The following TRPC5 variants were observed in gnomAD, a reference collection of about 807,000 sequenced individuals.
TRPC5 encodes short transient receptor potential channel 5.
A neutral mutation model predicts 56.5 loss-of-function variants in TRPC5; 9 were observed. The observed-to-expected ratio is 0.16, with a 90% confidence interval of 0.10 to 0.28. The LOEUF (loss-of-function observed/expected upper bound fraction) is 0.28, where lower values mean the gene tolerates loss of function less well. Among genes scored for constraint, TRPC5 ranks in the 10% least tolerant of loss-of-function variants. The probability of loss-of-function intolerance (pLI) is 1.00; values close to 1 mark genes in which losing one functional copy is unlikely to be tolerated. For missense variants in TRPC5, 469 were observed against 748.9 expected, an observed-to-expected ratio of 0.63 and a Z score of 4.36; for synonymous variants, 282 against 278.5, an observed-to-expected ratio of 1.01 and a Z score of -0.13.
Position 112,018,099 on chromosome X carries a change from A to C in TRPC5, c.-22+63780T>G, listed in dbSNP as rs187089734. ...GGTTTTTATTGACATCTTTGAAGGT[A>C]ATAAATGCAAATGGCAAAACCACAA... On this transcript the variant is annotated intron_variant, in intron 1 of 10. Transcript: ENST00000262839. 2.4e-3 allele frequency among the ~76,000 whole-genome samples: 270 copies of C among 112,529 alleles called. 1 individual carries two copies. The highest frequency in any genetic ancestry group is 4.6e-3 in the Middle Eastern group (1 of 218).
At chrX:111,931,468 A>G (rs1024099093) in intron 2 of TRPC5, among the ~76,000 whole-genome samples, 9 of 112,312 alleles carry the variant, frequency 8.0e-5, no homozygotes, top group Non-Finnish European at 1.7e-4. Flanking sequence ...TGCTTAAGTA[A>G]ATATGACGTA....
At chrX:111,832,812 C>T (rs1922449492) in intron 7 of TRPC5, among the ~76,000 whole-genome samples, 1 of 111,069 alleles carries the variant, frequency 9.0e-6, no homozygotes, top group Non-Finnish European at 1.9e-5. Context: ...TTACTACCAG[C>T]AGGTGGTGAT....
At chrX:111,785,380 G>T (rs925728761) in intron 7 of TRPC5, among the ~76,000 whole-genome samples, 2 of 111,652 alleles carry the variant, frequency 1.8e-5, no homozygotes, top group African/African-American at 6.5e-5. Flanking sequence ...CAACAAAAAG[G>T]TCATCTATAC....
rs1442119680 is a variant in TRPC5, at chrX:111,799,698, T to C, written c.1897-17560A>G. On this transcript the variant is annotated intron_variant, in intron 7 of 10. Coordinates refer to ENST00000262839, the MANE Select transcript of TRPC5 (RefSeq NM_012471.3). ...TGCTAGAGAAAACTGTGCCTAGATA[T>C]TGTGCATGAATTCACAGGATTTATG... 6.3e-5 allele frequency among the ~76,000 whole-genome samples: 7 copies of C among 111,314 alleles called. No individual in the cohort carries two copies. In the East Asian group the frequency reaches 2.0e-3, roughly 31 times the overall value.
At chrX:111,807,954 C>CTGTGTGTGTGTGTG (rs1158422740) in intron 7 of TRPC5, among the ~76,000 whole-genome samples, 2 of 85,409 alleles carry the variant, frequency 2.3e-5, no homozygotes, top group African/African-American at 1.5e-4. Context: ...CTCTCTCTCT[C>CTGTGTGTGTGTGTG]TCTGTGTGTG....
At chrX:112,016,866 G>A (rs1325033771) in intron 1 of TRPC5, among the ~76,000 whole-genome samples, 2 of 112,257 alleles carry the variant, frequency 1.8e-5, no homozygotes, top group African/African-American at 3.2e-5. Context: ...GTTTTTGCCT[G>A]TAAACAAAAG....
intron 3 of TRPC5, among the ~76,000 whole-genome samples, chrX:111,899,790 T>A (rs1313051233): frequency 8.9e-6 from 1 of 111,752 alleles, no homozygotes; most frequent in African/African-American, 3.2e-5. Context: ...ATTCCTTTCC[T>A]TGATTTCTCT....
At chrX:112,023,582 A>C (rs1929342777) in intron 1 of TRPC5, among the ~76,000 whole-genome samples, 1 of 110,744 alleles carries the variant, frequency 9.0e-6, no homozygotes, top group Admixed American at 9.6e-5. Context: ...CCTTGTGTCA[A>C]TTTATACTAT....
intron 2 of TRPC5, among the ~76,000 whole-genome samples, chrX:111,950,042 T>C (rs765230550): frequency 8.9e-6 from 1 of 111,736 alleles, no homozygotes; most frequent in Non-Finnish European, 1.9e-5. Flanking sequence ...AGGAATGAGT[T>C]GGCTGGGCGC....
intron 2 of TRPC5, among the ~76,000 whole-genome samples, chrX:111,926,457 T>C (rs5985660): frequency 0.037 from 4,131 of 112,055 alleles, 200 homozygotes; most frequent in African/African-American, 0.13. Flanking sequence ...AACTACTCCA[T>C]AGCCATATGA....
intron 1 of TRPC5, among the ~76,000 whole-genome samples, chrX:112,057,235 G>T (rs747095258): frequency 9.0e-6 from 1 of 111,608 alleles, no homozygotes; most frequent in South Asian, 3.8e-4. Flanking sequence ...TGGGCAGATA[G>T]GCAAATCAAG....
At chrX:111,914,734 G>A (rs559631076) in intron 2 of TRPC5, among the ~76,000 whole-genome samples, 3 of 112,183 alleles carry the variant, frequency 2.7e-5, no homozygotes, top group African/African-American at 9.7e-5. Flanking sequence ...ACACAGGAAA[G>A]AGTAATCTCA....
At chrX:111,948,086 T>C (rs1379978420) in intron 2 of TRPC5, among the ~76,000 whole-genome samples, 1 of 112,718 alleles carries the variant, frequency 8.9e-6, no homozygotes, top group East Asian at 2.8e-4. Flanking sequence ...TGAGTGTTTC[T>C]ATTATTACTA....
At chrX:111,779,160 C>G (rs1945900992) in intron 9 of TRPC5, 86 bp from the exon 10 acceptor site, 1 of 588,716 alleles carries the variant, frequency 1.7e-6, no homozygotes, top group Non-Finnish European at 2.5e-6. Context: ...ATAAAACATG[C>G]TTAGACCTTC....
At chrX:111,930,186 G>T (rs1190780094) in intron 2 of TRPC5, among the ~76,000 whole-genome samples, 3 of 111,276 alleles carry the variant, frequency 2.7e-5, no homozygotes, top group Non-Finnish European at 5.6e-5. Flanking sequence ...GGTAGCTCAT[G>T]ACTGTAATCC....
intron 3 of TRPC5, among the ~76,000 whole-genome samples, chrX:111,885,633 T>C (rs1042130884): frequency 9.0e-6 from 1 of 110,539 alleles, no homozygotes; most frequent in African/African-American, 3.3e-5. Flanking sequence ...TGTTTGATTA[T>C]TATGGCATCC....
At chrX:111,853,117 C>T (rs1246712275) in intron 4 of TRPC5, among the ~76,000 whole-genome samples, 8 of 111,351 alleles carry the variant, frequency 7.2e-5, no homozygotes, top group Non-Finnish European at 1.1e-4. Flanking sequence ...ATTCAGATCC[C>T]GGGTGGCACC....
At chrX:111,793,386 A>C (rs1443716325) in intron 7 of TRPC5, among the ~76,000 whole-genome samples, 1 of 112,223 alleles carries the variant, frequency 8.9e-6, no homozygotes, top group Non-Finnish European at 1.9e-5. Context: ...AAAATGGGAA[A>C]ATCGTTTGAA....
At chrX:111,866,782 A>G (rs1265109642) in intron 3 of TRPC5, among the ~76,000 whole-genome samples, 2 of 112,478 alleles carry the variant, frequency 1.8e-5, no homozygotes, top group Non-Finnish European at 3.8e-5. Context: ...GCCCCTCACC[A>G]GTCTACTGTA....
Sources: allele counts gnomAD v4.1 joint callset (sites outside exome capture counted in the v4.1 genomes callset), GRCh38; gene constraint gnomAD v4.1.1; transcripts MANE v1.5; gene names NCBI Gene and HGNC (gene_info 2026-07-23, HGNC 2026-07-21).